The following PCDH15 variants were observed in gnomAD, a reference collection of about 807,000 sequenced individuals.
PCDH15 encodes protocadherin-15.
PCDH15 carries 129 observed loss-of-function variants against 178.5 expected under a neutral mutation model. The ratio of observed to expected loss-of-function variants is 0.72; its 90% confidence interval spans 0.63 to 0.84. PCDH15 has a LOEUF of 0.84. Among genes scored for constraint, PCDH15 ranks in the 40% least tolerant of loss-of-function variants. The pLI, the probability that PCDH15 is intolerant of heterozygous loss-of-function variation, is 0.00. For synonymous variants in PCDH15, 800 were observed against 732.0 expected (o/e 1.09, Z -1.50); for missense variants, 2,230 against 2,099.9 (o/e 1.06, Z -1.21).
intron 20 of PCDH15, among the ~76,000 whole-genome samples, chr10:53,997,961 T>C (rs1475904265): frequency 6.6e-6 from 1 of 152,210 alleles, no homozygotes; most frequent in Admixed American, 6.5e-5. Context: ...CAATGCATTA[T>C]TTCAAGAGGA....
rs1200417881 is a variant in PCDH15 at position 54,125,863 on chromosome 10, C to A, written c.1917+7012G>T. On this transcript the variant is annotated intron_variant, in intron 15 of 37. Coordinates refer to ENST00000644397, the MANE Select transcript of PCDH15 (RefSeq NM_001384140.1). ...AAGTGTCAGTTTGTTCTTTAAATTG[C>A]AATTGACCCTTTTTTCTCAATAGAA... Among the ~76,000 whole-genome samples the A allele has an allele frequency of 2.0e-5, 3 of 152,108 alleles. No individual in the cohort carries two copies. The East Asian group carries it at 5.8e-4, about 29-fold the overall frequency.
intron 9 of PCDH15, among the ~76,000 whole-genome samples, chr10:54,236,404 A>G (rs1400774034): frequency 6.6e-6 from 1 of 152,014 alleles, no homozygotes; most frequent in Admixed American, 6.6e-5. Context: ...TGGCTCCAAA[A>G]TAGCTCTTTT....
chr10:53,881,424 A>G (rs2080709088), intron 26 of PCDH15, among the ~76,000 whole-genome samples: 1 of 151,690 alleles, frequency 6.6e-6, no homozygotes, highest in South Asian at 2.1e-4. Context: ...TAACAAATCC[A>G]CTTGTAACCC....
At chr10:55,280,197 T>G (rs1842692201) in intron 1 of PCDH15, among the ~76,000 whole-genome samples, 1 of 151,740 alleles carries the variant, frequency 6.6e-6, no homozygotes, top group Admixed American at 6.6e-5. Flanking sequence ...TTCAGTCACA[T>G]ATGTCAGTAT....
intron 15 of PCDH15, among the ~76,000 whole-genome samples, chr10:54,101,852 G>A (rs767449250): frequency 4.6e-5 from 7 of 152,210 alleles, no homozygotes; most frequent in Admixed American, 2.6e-4. Flanking sequence ...TTGTGCAACT[G>A]TAGTCTCAGC....
At chr10:54,999,799 A>C (rs2131928376) in intron 2 of PCDH15, among the ~76,000 whole-genome samples, 1 of 152,338 alleles carries the variant, frequency 6.6e-6, no homozygotes, top group African/African-American at 2.4e-5. Context: ...TCTGAGAAAT[A>C]AAGGGACAGA....
chr10:54,010,128 G>A (rs546376938), intron 20 of PCDH15, among the ~76,000 whole-genome samples: 1 of 152,282 alleles, frequency 6.6e-6, no homozygotes, highest in South Asian at 2.1e-4. Flanking sequence ...GCTCCCAGAG[G>A]GAGAGGCTGG....
At chr10:54,421,000 C>T (rs148601664) in intron 3 of PCDH15, among the ~76,000 whole-genome samples, 1 of 152,098 alleles carries the variant, frequency 6.6e-6, no homozygotes. Flanking sequence ...TGGAATACCA[C>T]GAAAAAAGCT....
intron 1 of PCDH15, among the ~76,000 whole-genome samples, chr10:55,168,874 CTGA>C (rs979999579): frequency 1.1e-4 from 16 of 152,152 alleles, no homozygotes; most frequent in African/African-American, 3.6e-4. Context: ...TAAAACATTT[CTGA>C]TACTCTAGAT....
At chr10:54,731,216 A>G (rs1651021578) in intron 1 of PCDH15, among the ~76,000 whole-genome samples, 1 of 151,262 alleles carries the variant, frequency 6.6e-6, no homozygotes. Context: ...GCAATGAGCT[A>G]TTATCTTACC....
chr10:54,875,200 TATCTGTGATCACTG>T (rs1430488441), intron 3 of PCDH15, among the ~76,000 whole-genome samples: 3 of 152,198 alleles, frequency 2.0e-5, no homozygotes, highest in Non-Finnish European at 2.9e-5. Context: ...GTGTTATGGT[TATCTGTGATCACTG>T]ATCTTTGATG....
intron 2 of PCDH15, among the ~76,000 whole-genome samples, chr10:55,088,115 C>T (rs1454484057): frequency 6.6e-6 from 1 of 152,004 alleles, no homozygotes. Flanking sequence ...ATAAACTACT[C>T]TTGTGTTATC....
intron 1 of PCDH15, among the ~76,000 whole-genome samples, chr10:55,174,440 G>A (rs546222043): frequency 6.6e-6 from 1 of 152,342 alleles, no homozygotes; most frequent in South Asian, 2.1e-4. Flanking sequence ...CTGCAGGACA[G>A]AGAAGCTTGG....
chr10:55,015,134 T>A (rs1840140083), intron 2 of PCDH15, among the ~76,000 whole-genome samples: 1 of 152,098 alleles, frequency 6.6e-6, no homozygotes, highest in Non-Finnish European at 1.5e-5. Context: ...GGTGAGGGGA[T>A]CACTTGAGCC....
intron 1 of PCDH15, among the ~76,000 whole-genome samples, chr10:55,299,873 T>C (rs1843228124): frequency 6.6e-6 from 1 of 152,172 alleles, no homozygotes; most frequent in African/African-American, 2.4e-5. Flanking sequence ...GGTCATACTA[T>C]ATATGAAGTT....
chr10:54,208,804 G>C (rs1235019355), intron 10 of PCDH15, among the ~76,000 whole-genome samples: 1 of 151,978 alleles, frequency 6.6e-6, no homozygotes, highest in African/African-American at 2.4e-5. Context: ...TATATTGCTA[G>C]AATATTTCCA....
intron 2 of PCDH15, among the ~76,000 whole-genome samples, chr10:55,396,950 A>G (rs966057905): frequency 6.6e-6 from 1 of 152,210 alleles, no homozygotes; most frequent in African/African-American, 2.4e-5. Context: ...ATATAGAGGC[A>G]GGCTGGCACT....
In PCDH15 at chr10:55,230,557, C is replaced by T. The variant is rs373959502; in HGVS notation, c.-155-63906G>A. On this transcript the variant is annotated intron_variant, in intron 1 of 5. Transcript: ENST00000458638. ...ATTGAATATAAGGAAAATATGAAGA[C>T]AGAGTTTGCAAAGAAAGCAGGGTAT... is the stretch of plus-strand genomic sequence containing the variant. Among the ~76,000 whole-genome samples, 100 of 152,046 alleles carry T rather than the reference C, an allele frequency of 6.6e-4. 1 individual carries two copies. The South Asian group carries it at 0.019, about 29-fold the overall frequency.
At chr10:55,555,785 TTAA>T (rs1218000641) in intron 2 of PCDH15, among the ~76,000 whole-genome samples, 3 of 151,970 alleles carry the variant, frequency 2.0e-5, no homozygotes, top group Admixed American at 1.3e-4. Flanking sequence ...GCATAGAAAA[TTAA>T]TAAAAATAAT....
Sources: allele counts gnomAD v4.1 joint callset (sites outside exome capture counted in the v4.1 genomes callset), GRCh38; gene constraint gnomAD v4.1.1; transcripts MANE v1.5; gene names NCBI Gene and HGNC (gene_info 2026-07-23, HGNC 2026-07-21).